PTPRF: variants seen among roughly 807,000 people sequenced by gnomAD.
PTPRF encodes the protein receptor-type tyrosine-protein phosphatase F.
A neutral mutation model predicts 201.8 loss-of-function variants in PTPRF; 59 were observed. The ratio of observed to expected loss-of-function variants is 0.29; its 90% CI spans 0.24 to 0.36. The LOEUF (loss-of-function observed/expected upper bound fraction) is 0.36, where lower values mean the gene tolerates loss of function less well. PTPRF is among the 10% of genes least tolerant of loss of function. PTPRF has a pLI of 1.00. For synonymous variants in PTPRF, 1,088 were observed against 1,089.7 expected, an observed-to-expected ratio of 1.00 and a Z score of 0.03; for missense variants, 2,132 against 2,690.5, an observed-to-expected ratio of 0.79 and a Z score of 4.59.
intron 11 of PTPRF, among the ~76,000 whole-genome samples, chr1:43,596,839 G>A (rs1233422767): frequency 6.6e-6 from 1 of 152,222 alleles, no homozygotes; most frequent in Non-Finnish European, 1.5e-5. Context: ...CAGCATATGT[G>A]TGGGAGAGAC....
chr1:43,558,946 A>G (rs2153977857), intron 5 of PTPRF, among the ~76,000 whole-genome samples: 2 of 152,252 alleles, frequency 1.3e-5, no homozygotes, highest in South Asian at 4.1e-4. Context: ...GAGGGCACTG[A>G]TGACTTTGGG....
intron 2 of PTPRF, among the ~76,000 whole-genome samples, chr1:43,538,786 T>C (rs1360523326): frequency 6.6e-6 from 1 of 152,206 alleles, no homozygotes; most frequent in African/African-American, 2.4e-5. Flanking sequence ...GATCTGGGCA[T>C]GTCCTCTGCA....
chr1:43,544,032 G>C (rs765601270), intron 2 of PTPRF, among the ~76,000 whole-genome samples: 2 of 152,206 alleles, frequency 1.3e-5, no homozygotes, highest in Non-Finnish European at 2.9e-5. Context: ...CCCATGTATA[G>C]TGCGGCCATG....
Position 43,598,891 on chromosome 1 carries a change from ACGT to A in PTPRF, c.2293_2295del (p.Val765del). On this transcript the variant is annotated inframe_deletion, in exon 13 of 34. Transcript: ENST00000359947. ...CCCCGTGGACTCCCCATCATCCAAG[ACGT>A]CATGCTAGCCGAGGCCCAGGTGCAG... The A allele has an allele frequency of 6.2e-7, 1 of 1,613,852 alleles. No individual in the cohort carries two copies. Among genetic ancestry groups the A allele is most frequent in the Non-Finnish European group, 8.5e-7 (1 of 1,179,908 alleles).
At chr1:43,617,994 T>C in intron 25 of PTPRF, 83 bp downstream of exon 25, 2 of 1,422,968 alleles carry the variant, frequency 1.4e-6, no homozygotes, top group South Asian at 1.4e-5. Flanking sequence ...CTGTGCCGCT[T>C]TCTTCTGTGG....
Position 43,617,504 on chromosome 1 carries a change from C to T in PTPRF, c.4131C>T (p.Pro1377=). The T allele has an allele frequency of 6.2e-7, 1 of 1,614,124 alleles. No homozygotes were observed. Among genetic ancestry groups the T allele is most frequent in the Non-Finnish European group, 8.5e-7 (1 of 1,180,012 alleles). The change falls in exon 24 of 34, where the codon CCC becomes CCT. Residue 1377 remains proline (P), a synonymous_variant. Transcript: ENST00000359947. ...WENSNLEVNK[P]KNRYANVIAY... Reference sequence around the variant, plus strand: ...ATTCAAACCTGGAGGTGAACAAGCCCAAGAACCGCTATGCGAATGTCATCG... The same window carrying T: ...ATTCAAACCTGGAGGTGAACAAGCCTAAGAACCGCTATGCGAATGTCATCG...
chr1:43,562,532 A>G (rs1057055953), intron 5 of PTPRF, among the ~76,000 whole-genome samples: 2 of 151,320 alleles, frequency 1.3e-5, no homozygotes, highest in South Asian at 4.2e-4. Flanking sequence ...CAGCCTCCCG[A>G]ATAGCTTGGG....
At chr1:43,590,918 G>T in intron 8 of PTPRF, 54 bp from the exon 9 acceptor site, 3 of 1,476,462 alleles carry the variant, frequency 2.0e-6, no homozygotes, top group Admixed American at 1.9e-5. Context: ...GTCTAGGGTT[G>T]GTTCCTAAGG....
chr1:43,620,584 G>GT lies in PTPRF; in HGVS notation c.5364+6dup, dbSNP rs777306665. On this transcript the variant is annotated splice_donor_region_variant and intron_variant, in intron 31 of 33. Transcript: ENST00000359947. ...TTCAAGGTCACGGATGCCCGGGTGA[G>GT]TGAGTGCATTGAGTGTGTCCATAAC... is the stretch of plus-strand genomic sequence containing the variant. 15 of 1,613,276 alleles carry GT rather than the reference G, an allele frequency of 9.3e-6. No individual in the cohort carries two copies. The African/African-American group carries it at 2.0e-4, about 21-fold the overall frequency.
At chr1:43,523,016 G>T (rs1214026831), upstream of PTPRF, among the ~76,000 whole-genome samples, 1 of 152,234 alleles carries the variant, frequency 6.6e-6, no homozygotes, top group East Asian at 1.9e-4. Context: ...CCAGATAAGA[G>T]TTAATGGTGG....
At chr1:43,548,338 C>CG (rs1222553179) in intron 3 of PTPRF, among the ~76,000 whole-genome samples, 1 of 147,714 alleles carries the variant, frequency 6.8e-6, no homozygotes, top group Non-Finnish European at 1.5e-5. Context: ...GGGTGGGTGG[C>CG]GGGTGGGTTG....
Position 43,602,087 on chromosome 1 carries a change from C to T in PTPRF, c.2330C>T (p.Ser777Phe), listed in dbSNP as rs767930658. Residue 777 changes from serine to phenylalanine, a missense_variant, in exon 14 of 34, where the codon TCC becomes TTC. Ser to Phe is a radical substitution (Grantham distance 155). Transcript: ENST00000359947. Reference sequence around the variant, plus strand: ...CGCGGTCAGTGGCGGCCAGAGGAGTCCGAGGACTATGTAAGTAACAGGTGT... The same window carrying T: ...CGCGGTCAGTGGCGGCCAGAGGAGTTCGAGGACTATGTAAGTAACAGGTGT... ...LAEAQWRPEESEDYETTISGL... is the reference protein window; with the variant it reads ...LAEAQWRPEEFEDYETTISGL... The T allele has an allele frequency of 1.2e-6, 2 of 1,613,760 alleles. No individual in the cohort carries two copies. Among genetic ancestry groups the T allele is most frequent in the South Asian group, 2.2e-5 (2 of 91,072 alleles).
upstream of PTPRF, chr1:43,528,736 C>T (rs1643222946): frequency 1.3e-5 from 2 of 152,198 alleles, no homozygotes; most frequent in Non-Finnish European, 2.9e-5. Context: ...ATGCCACTGC[C>T]TGAGACGGGC....
At chr1:43,593,184 C>T (rs1330937870) in intron 11 of PTPRF, among the ~76,000 whole-genome samples, 1 of 139,732 alleles carries the variant, frequency 7.2e-6, no homozygotes, top group Non-Finnish European at 1.6e-5. Flanking sequence ...GGACTGTCTG[C>T]AAGGCTGTCT....
chr1:43,572,671 G>A (rs1646654952), intron 6 of PTPRF, among the ~76,000 whole-genome samples: 1 of 152,190 alleles, frequency 6.6e-6, no homozygotes, highest in Non-Finnish European at 1.5e-5. Flanking sequence ...TGTTTACCGG[G>A]ACCTTTACGG....
At chr1:43,611,754 TGAA>T (rs763537869) in intron 22 of PTPRF, among the ~76,000 whole-genome samples, 6 of 151,560 alleles carry the variant, frequency 4.0e-5, no homozygotes, top group Non-Finnish European at 8.8e-5. Context: ...TTGGGAAACG[TGAA>T]GGAGGTGAGG....
At chr1:43,587,612 G>C (rs1649487589) in intron 7 of PTPRF, among the ~76,000 whole-genome samples, 1 of 152,160 alleles carries the variant, frequency 6.6e-6, no homozygotes, top group South Asian at 2.1e-4. Context: ...TGGGGTCTTT[G>C]CATGCCTGGG....
chr1:43,609,599 A>C, intron 22 of PTPRF, 101 bp downstream of exon 22: 1 of 792,670 alleles, frequency 1.3e-6, no homozygotes, highest in East Asian at 2.7e-5. Flanking sequence ...CCTGGGCCGC[A>C]TGCACTTGTT....
At chr1:43,597,521 C>CGT (rs1034290539) in intron 11 of PTPRF, among the ~76,000 whole-genome samples, 6 of 151,414 alleles carry the variant, frequency 4.0e-5, no homozygotes, top group Admixed American at 6.6e-5. Flanking sequence ...TGTGTATCAC[C>CGT]GTGTGTGTGT....
Sources: allele counts gnomAD v4.1 joint callset (sites outside exome capture counted in the v4.1 genomes callset), GRCh38; gene constraint gnomAD v4.1.1; transcripts MANE v1.5; gene names NCBI Gene and HGNC (gene_info 2026-07-23, HGNC 2026-07-21).